The following PROX1 variants were observed in gnomAD, a reference collection of about 807,000 sequenced individuals.
The protein encoded by PROX1 is prospero homeobox 1, also known as prospero homeobox protein 1.
In PROX1, 7 loss-of-function variants were observed where a neutral mutation model predicts 58.8. That is an observed-to-expected ratio of 0.12 (90% CI 0.07 to 0.22). The LOEUF (loss-of-function observed/expected upper bound fraction) is 0.22, where lower values mean the gene tolerates loss of function less well. PROX1 is among the 10% of genes least tolerant of loss of function. PROX1 has a pLI of 1.00. For missense variants in PROX1, 675 were observed against 927.8 expected, an observed-to-expected ratio of 0.73 and a Z score of 3.54; for synonymous variants, 350 against 358.3, an observed-to-expected ratio of 0.98 and a Z score of 0.26.
At chr1:214,029,704 G>A (rs1664580357) in intron 4 of PROX1, 1 of 152,158 alleles carries the variant, frequency 6.6e-6, no homozygotes, top group Non-Finnish European at 1.5e-5. Context: ...CGAGTTCCCT[G>A]AAACAATTGC....
intron 2 of PROX1, among the ~76,000 whole-genome samples, chr1:214,002,852 C>T (rs1004652096): frequency 6.6e-6 from 1 of 152,106 alleles, no homozygotes; most frequent in African/African-American, 2.4e-5. Flanking sequence ...CTAACTGTTG[C>T]CTTTTAAATG....
Position 214,039,461 on chromosome 1 carries a change from A to G in PROX1, c.*3627A>G, listed in dbSNP as rs1664934449. The G allele has an allele frequency of 6.6e-6, 1 of 152,188 alleles. No homozygotes were observed. The highest frequency in any genetic ancestry group is 1.5e-5 in the Non-Finnish European group (1 of 68,044). 9.4% of individuals were successfully genotyped at this position (152,188 alleles called of 1,614,324 possible). A position where few individuals can be genotyped will look rare whatever the true frequency, so the allele number is the denominator to read the frequency against. On this transcript the variant is annotated 3_prime_UTR_variant, in exon 5 of 5. Coordinates refer to ENST00000366958, the MANE Select transcript of PROX1 (RefSeq NM_001270616.2). ...TTTAAAAAAATTTAAAACAACAAAAAAAAAGCAAAACAGAAACACTAAAGC... is the reference window on the plus strand; with the variant it reads ...TTTAAAAAAATTTAAAACAACAAAAGAAAAGCAAAACAGAAACACTAAAGC...
Position 213,997,566 on chromosome 1 carries a change from A to T in PROX1, c.1031A>T (p.Glu344Val). ...RDHGPNSLQP[E>V]GKHLAETLKQ... ...CATGGGCCAAACTCCTTACAACCGG[A>T]AGGCAAACATTTGGCTGAGACCTTG... The change falls in exon 2 of 5, where the codon GAA becomes GTA. Residue 344 changes from glutamate (E) to valine (V), a missense_variant. This residue lies in a region of PROX1 where 403 missense variants were observed against 477.4 expected (regional missense o/e 0.84). Coordinates refer to ENST00000366958, the MANE Select transcript of PROX1 (RefSeq NM_001270616.2). This position sits in a 1 kb window ranked among gnomAD's most constrained non-coding sequence, Gnocchi z 7.1. 1.2e-6 allele frequency: 2 copies of T among 1,614,132 alleles called. No individual in the cohort carries two copies. The highest frequency in any genetic ancestry group is 1.7e-6 in the Non-Finnish European group (2 of 1,180,004).
intron 4 of PROX1, among the ~76,000 whole-genome samples, chr1:214,021,328 G>C (rs982527540): frequency 3.3e-5 from 5 of 152,062 alleles, no homozygotes; most frequent in African/African-American, 1.2e-4. Context: ...GGCTCTAAAC[G>C]TGATTCCCCT....
chr1:213,995,464 T>G (rs912753349), intron 1 of PROX1, among the ~76,000 whole-genome samples: 4 of 80,790 alleles, frequency 5.0e-5, no homozygotes, highest in African/African-American at 2.5e-4. Flanking sequence ...GTTTTTTCTG[T>G]TTTTTTTTTT....
intron 2 of PROX1, among the ~76,000 whole-genome samples, chr1:214,002,549 T>G (rs1314736809): frequency 3.9e-5 from 6 of 152,108 alleles, no homozygotes; most frequent in Admixed American, 2.0e-4. Flanking sequence ...CCACATGAGC[T>G]GCTGGGACAG....
At chr1:214,035,579 G>C (rs916042977) in intron 4 of PROX1, 70 bp from the exon 5 acceptor site, 2 of 1,472,192 alleles carry the variant, frequency 1.4e-6, no homozygotes, top group Admixed American at 2.2e-5. Context: ...TCTTAGCTCA[G>C]TTTCCTTGGA....
intron 1 of PROX1, among the ~76,000 whole-genome samples, chr1:213,991,722 G>A (rs1040993508): frequency 2.0e-5 from 3 of 152,136 alleles, no homozygotes; most frequent in Non-Finnish European, 2.9e-5. Flanking sequence ...GGCTTATTCT[G>A]TAAGTTGCCA....
At chr1:214,029,710 A>G (rs1003658748) in intron 4 of PROX1, 3 of 152,002 alleles carry the variant, frequency 2.0e-5, no homozygotes, top group Admixed American at 6.6e-5. Flanking sequence ...CCCTGAAACA[A>G]TTGCTTGAAG....
upstream of PROX1, chr1:213,983,874 G>A (rs1408304279): frequency 1.3e-5 from 2 of 152,230 alleles, no homozygotes; most frequent in Admixed American, 6.5e-5. Context: ...AACGATGGGT[G>A]GGGTTGGAGA....
intron 1 of PROX1, chr1:213,988,833 C>G (rs1461872234): frequency 6.6e-6 from 1 of 152,102 alleles, no homozygotes; most frequent in East Asian, 2.0e-4. Context: ...ATCTTGTCAC[C>G]TTTTGTGTAC....
intron 4 of PROX1, among the ~76,000 whole-genome samples, chr1:214,031,056 T>C (rs1664634145): frequency 6.6e-6 from 1 of 151,310 alleles, no homozygotes; most frequent in Non-Finnish European, 1.5e-5. Flanking sequence ...TGTGTGTGTG[T>C]GTGTGTGTGT....
intron 1 of PROX1, among the ~76,000 whole-genome samples, chr1:213,995,851 C>T (rs948595035): frequency 2.0e-5 from 3 of 152,126 alleles, no homozygotes; most frequent in Admixed American, 6.5e-5. Context: ...TATTTCAATG[C>T]TAAACTGACC....
rs528311302 is a variant in PROX1, at chr1:214,040,678, T to C, written c.*4844T>C. The C allele has an allele frequency of 7.9e-5, 12 of 152,292 alleles. No homozygotes were observed. Among genetic ancestry groups the C allele is most frequent in the African/African-American group, 2.6e-4 (11 of 41,574 alleles). 9.4% of individuals were successfully genotyped at this position (152,292 alleles called of 1,614,324 possible). A position where few individuals can be genotyped will look rare whatever the true frequency, so the allele number is the denominator to read the frequency against. On this transcript the variant is annotated 3_prime_UTR_variant, in exon 5 of 5. Transcript: ENST00000366958. Reference sequence around the variant, plus strand: ...TAGCAATATGTTGTAAATAGCATTATTAAGCTCTTTTTTGTAATAAAGACC... The same window carrying C: ...TAGCAATATGTTGTAAATAGCATTACTAAGCTCTTTTTTGTAATAAAGACC...
intron 4 of PROX1, among the ~76,000 whole-genome samples, chr1:214,013,810 T>C (rs1200633227): frequency 6.6e-6 from 1 of 152,210 alleles, no homozygotes; most frequent in Non-Finnish European, 1.5e-5. Context: ...TTAAGACTGC[T>C]TCACTGCAAG....
chr1:214,015,946 C>T (rs536023307), intron 4 of PROX1, among the ~76,000 whole-genome samples: 2 of 152,122 alleles, frequency 1.3e-5, no homozygotes, highest in African/African-American at 2.4e-5. Context: ...CCCCTATCCT[C>T]GCTAAAGGCC....
At chr1:214,020,340 C>T (rs114579883) in intron 4 of PROX1, among the ~76,000 whole-genome samples, 1,570 of 152,246 alleles carry the variant, frequency 0.01, 29 homozygotes, top group African/African-American at 0.036. Context: ...TCGCTGTGCA[C>T]GTTACAGTCT....
intron 4 of PROX1, among the ~76,000 whole-genome samples, chr1:214,014,495 C>T (rs1288681657): frequency 6.6e-6 from 1 of 152,132 alleles, no homozygotes; most frequent in Non-Finnish European, 1.5e-5. Flanking sequence ...GATTGTATTC[C>T]CAGACTTCTC....
At chr1:214,006,697 C>T (rs1198374421) in intron 3 of PROX1, among the ~76,000 whole-genome samples, 1 of 152,030 alleles carries the variant, frequency 6.6e-6, no homozygotes, top group East Asian at 1.9e-4. Context: ...AGTTTGTCTT[C>T]CAGGGAATCC....
Sources: allele counts gnomAD v4.1 joint callset (sites outside exome capture counted in the v4.1 genomes callset), GRCh38; gene constraint gnomAD v4.1.1; regional missense constraint gnomAD v4.1.1; non-coding constraint Gnocchi (gnomAD v3.1); transcripts MANE v1.5; gene names NCBI Gene and HGNC (gene_info 2026-07-23, HGNC 2026-07-21).